The following EPS8L2 variants were observed in gnomAD, a reference collection of about 807,000 sequenced individuals.
EPS8L2 encodes the protein EPS8 signaling adaptor L2, also known as epidermal growth factor receptor kinase substrate 8-like protein 2.
Under a neutral mutation model 99.4 loss-of-function variants are expected in EPS8L2, and 81 were observed. The observed-to-expected ratio is 0.82, with a 90% CI of 0.68 to 0.98. EPS8L2 has a LOEUF of 0.98. Among genes scored for constraint, EPS8L2 ranks in the 50% least tolerant of loss-of-function variants. The probability of loss-of-function intolerance (pLI) is 0.00; values close to 1 mark genes in which losing one functional copy is unlikely to be tolerated. For missense variants in EPS8L2, 1,155 were observed against 968.8 expected (o/e 1.19, Z -2.55); for synonymous variants, 509 against 407.3 (o/e 1.25, Z -3.01).
In EPS8L2 at chr11:726,516, G is replaced by A. The variant is rs1222012122; in HGVS notation, c.1934+32G>A. 5.9e-6 allele frequency: 9 copies of A among 1,524,014 alleles called. No individual in the cohort carries two copies. In the East Asian group the frequency reaches 1.0e-4, roughly 17 times the overall value. The allele number at this position is 1,524,014 out of a possible 1,614,324, so 94.4% of individuals were successfully genotyped here. A position where few individuals can be genotyped will look rare whatever the true frequency, so the allele number is the denominator to read the frequency against. ...GGGGGCGGGGGATGAGCTGGGGCCCGGGCGAGGGGTGGGAGGTGCGGCCGA... is the reference window on the plus strand; with the variant it reads ...GGGGGCGGGGGATGAGCTGGGGCCCAGGCGAGGGGTGGGAGGTGCGGCCGA... On this transcript the variant is annotated intron_variant, in intron 19 of 20. Transcript: ENST00000318562.
At chr11:710,722 G>C (rs976194984) in intron 4 of EPS8L2, among the ~76,000 whole-genome samples, 2 of 151,844 alleles carry the variant, frequency 1.3e-5, no homozygotes, top group Non-Finnish European at 2.9e-5. Context: ...GGGTGACAGA[G>C]CTAGACCCTG....
chr11:721,164 G>T lies in EPS8L2; in HGVS notation c.658G>T (p.Ala220Ser). The change falls in exon 8 of 21, where the codon GCC (alanine) becomes TCC (serine). Residue 220 changes from alanine (A) to serine (S), a missense_variant. Transcript: ENST00000318562. ...FQHRGGDSPE[A>S]KNRVGPQVPL... ...GCACCGCGGCGGGGATTCCCCGGAG[G>T]CCAAGAATCGCGTGGGCCCGCAGGT... 2 of 1,535,526 alleles carry T rather than the reference G, an allele frequency of 1.3e-6. No individual in the cohort carries two copies.
chr11:721,494 G>C (rs1044777903), intron 9 of EPS8L2, 71 bp from the exon 10 acceptor site: 2 of 1,512,412 alleles, frequency 1.3e-6, no homozygotes, highest in African/African-American at 1.4e-5. Flanking sequence ...ATCATCTGTG[G>C]GGCTGTCCCT....
At chr11:725,703 GA>G (rs1188089621) in intron 16 of EPS8L2, 24 bp from the exon 17 acceptor site, 3 of 1,312,998 alleles carry the variant, frequency 2.3e-6, no homozygotes, top group Non-Finnish European at 1.9e-6. Context: ...TGGGTGTGGG[GA>G]GGGGCTGACG....
chr11:726,517 G>C, intron 19 of EPS8L2, 33 bp downstream of exon 19: 2 of 1,523,304 alleles, frequency 1.3e-6, no homozygotes, highest in Admixed American at 2.1e-5. Flanking sequence ...CTGGGGCCCG[G>C]GCGAGGGGTG....
At chr11:707,754 C>G (rs1861765799) in intron 1 of EPS8L2, among the ~76,000 whole-genome samples, 1 of 152,178 alleles carries the variant, frequency 6.6e-6, no homozygotes, top group African/African-American at 2.4e-5. Flanking sequence ...GGCCAGGAAC[C>G]TGGCCTTCCC....
rs1371169307 is a variant in EPS8L2, at chr11:721,711, G to A, written c.895+20G>A. 2.5e-6 allele frequency: 4 copies of A among 1,588,878 alleles called. No homozygotes were observed. The highest frequency in any genetic ancestry group is 3.4e-6 in the Non-Finnish European group (4 of 1,164,110). On this transcript the variant is annotated intron_variant, in intron 10 of 20. Coordinates refer to ENST00000318562, the MANE Select transcript of EPS8L2 (RefSeq NM_022772.4). ...CAGCAGGTGCAGGGGACAGGGACGGGGCCGGCAGGTGCAGGGGACGGGGCC... is the reference window on the plus strand; with the variant it reads ...CAGCAGGTGCAGGGGACAGGGACGGAGCCGGCAGGTGCAGGGGACGGGGCC...
In EPS8L2 at chr11:722,442, C is replaced by G; in HGVS notation, c.1101C>G (p.Val367=). 1 of 1,613,506 alleles carries G rather than the reference C, an allele frequency of 6.2e-7. No homozygotes were observed. The highest frequency in any genetic ancestry group is 8.5e-7 in the Non-Finnish European group (1 of 1,179,946). The part of the protein sequence containing the change: ...TCSGPDIARS[V]SCPLLSRDAV... ...GTGGCCCAGACATCGCACGCTCCGT[C>G]TCCTGCCCACTGCTCTCCCGAGATG... The change falls in exon 13 of 21, where the codon GTC becomes GTG. Residue 367 remains valine, a synonymous_variant. Coordinates refer to ENST00000318562, the MANE Select transcript of EPS8L2 (RefSeq NM_022772.4).
rs957242752 is a variant in EPS8L2 at position 726,527 on chromosome 11, G to C, written c.1934+43G>C. 2.0e-6 allele frequency: 3 copies of C among 1,515,742 alleles called. No individual in the cohort carries two copies. The African/African-American group carries it at 4.2e-5, about 21-fold the overall frequency. The allele number at this position is 1,515,742 out of a possible 1,614,324, so 93.9% of individuals were successfully genotyped here. A position where few individuals can be genotyped will look rare whatever the true frequency, so the allele number is the denominator to read the frequency against. On this transcript the variant is annotated intron_variant, in intron 19 of 20. Transcript: ENST00000318562. The stretch of plus-strand genomic sequence containing the variant: ...ATGAGCTGGGGCCCGGGCGAGGGGT[G>C]GGAGGTGCGGCCGAAGGTGCGCAGC...
intron 14 of EPS8L2, 72 bp from the exon 15 acceptor site, chr11:723,167 CCT>C: frequency 4.0e-6 from 3 of 743,594 alleles, no homozygotes; most frequent in Non-Finnish European, 7.0e-6. Context: ...TAGCCCAGCC[CCT>C]GTCATATGCC....
In EPS8L2 at chr11:716,316, T is replaced by C. The variant is rs113585549; in HGVS notation, c.166-3746T>C. On this transcript the variant is annotated intron_variant, in intron 4 of 20. Transcript: ENST00000318562. ...GGCGCCCGCCACCCCGCCCGGCTAA[T>C]TTTTTGTGTTTTTAGTAGAGATAGG... is the stretch of plus-strand genomic sequence containing the variant. Among the ~76,000 whole-genome samples, 1,031 of 152,106 alleles carry C rather than the reference T, an allele frequency of 6.8e-3. 12 individuals carry two copies. Among genetic ancestry groups the C allele is most frequent in the Middle Eastern group, 0.024 (7 of 294 alleles).
Position 725,730 on chromosome 11 carries a change from G to C in EPS8L2, c.1563G>C (p.Val521=), listed in dbSNP as rs954064720. The C allele has an allele frequency of 3.0e-6, 4 of 1,327,748 alleles. No individual in the cohort carries two copies. Among genetic ancestry groups the C allele is most frequent in the Admixed American group, 8.0e-5 (2 of 25,072 alleles). 82.2% of individuals were successfully genotyped at this position (1,327,748 alleles called of 1,614,324 possible). The change falls in exon 17 of 21, where the codon GTG becomes GTC. Residue 521 remains valine (V), a splice_region_variant and synonymous_variant. Transcript: ENST00000318562. ...LSVLKDEVLE[V]LEDGRQWWKL... is the part of the protein sequence containing the mutation. ...GGGGCTGACGGCGCGCCCCGCAGGT[G>C]CTGGAGGACGGCCGGCAGTGGTGGA... is the stretch of plus-strand genomic sequence containing the variant.
At position 720,958 on chromosome 11, in the gene EPS8L2, C is replaced by CCCGGGAGGGGAGGGGAGGAG. The variant is rs1862144336; in HGVS notation, c.557+53_557+54insGAGGGGAGGGGAGGAGCCGG. On this transcript the variant is annotated intron_variant, in intron 7 of 20. Transcript: ENST00000318562. ...TCGCAGGGGGCGGGGAGGGGAGGAG[C>CCCGGGAGGGGAGGGGAGGAG]CCGGCAGGGGAGGGGAGGAGCCGGC... is the stretch of plus-strand genomic sequence containing the variant. The CCCGGGAGGGGAGGGGAGGAG allele has an allele frequency of 2.2e-5, 22 of 1,017,180 alleles. No homozygotes were observed. In the African/African-American group the frequency reaches 6.0e-4, roughly 28 times the overall value. The allele number at this position is 1,017,180 out of a possible 1,614,324, so 63.0% of individuals were successfully genotyped here. A position where few individuals can be genotyped will look rare whatever the true frequency, so the allele number is the denominator to read the frequency against.
In EPS8L2 at chr11:724,950, G is replaced by C. The variant is rs1431305203; in HGVS notation, c.1560+121G>C. 2.9e-5 allele frequency: 21 copies of C among 720,678 alleles called. No individual in the cohort carries two copies. The South Asian group carries it at 3.2e-4, about 11-fold the overall frequency. 44.6% of individuals were successfully genotyped at this position (720,678 alleles called of 1,614,324 possible). On this transcript the variant is annotated intron_variant, in intron 16 of 20. Coordinates refer to ENST00000318562, the MANE Select transcript of EPS8L2 (RefSeq NM_022772.4). The surrounding 1 kb of genome is among the most constrained non-coding windows in gnomAD (Gnocchi z 5.5). ...CTGGGTGATGCCAGGACGGGGCACA[G>C]CTGCTGGCCCCTTTCTCCAGGGTCC...
At chr11:707,362 G>T (rs1190654221) in intron 1 of EPS8L2, among the ~76,000 whole-genome samples, 1 of 152,188 alleles carries the variant, frequency 6.6e-6, no homozygotes, top group Admixed American at 6.5e-5. Flanking sequence ...TATGAGGGCA[G>T]CCTGGAGCCC....
At chr11:714,043 G>A (rs1861954149) in intron 4 of EPS8L2, among the ~76,000 whole-genome samples, 1 of 152,146 alleles carries the variant, frequency 6.6e-6, no homozygotes, top group East Asian at 1.9e-4. Context: ...CATCATTGTG[G>A]TTTGATAAGT....
At chr11:713,444 C>T (rs573982768) in intron 4 of EPS8L2, among the ~76,000 whole-genome samples, 2 of 152,302 alleles carry the variant, frequency 1.3e-5, no homozygotes, top group South Asian at 2.1e-4. Flanking sequence ...TGCAATGGCG[C>T]GATCTCAGCT....
At position 709,340 on chromosome 11, in the gene EPS8L2, G is replaced by GGCACTGGCCTCAGACCGGGGCC; in HGVS notation, c.-67_-46dup. ...CTTCTGTCCACCCAGGTGTGGGACA[G>GGCACTGGCCTCAGACCGGGGCC]GCACTGGCCTCAGACCGGGGCCACA... On this transcript the variant is annotated 5_prime_UTR_variant, in exon 2 of 21. Transcript: ENST00000318562. 1 of 1,519,004 alleles carries GGCACTGGCCTCAGACCGGGGCC rather than the reference G, an allele frequency of 6.6e-7. No individual in the cohort carries two copies. The highest frequency in any genetic ancestry group is 1.2e-5 in the South Asian group (1 of 83,400). 94.1% of individuals were successfully genotyped at this position (1,519,004 alleles called of 1,614,324 possible).
At chr11:715,148 A>G (rs1213354345) in intron 4 of EPS8L2, among the ~76,000 whole-genome samples, 8 of 152,076 alleles carry the variant, frequency 5.3e-5, no homozygotes, top group African/African-American at 1.9e-4. Context: ...AGGCTGAGGC[A>G]GGAGAATGGC....
Sources: allele counts gnomAD v4.1 joint callset (sites outside exome capture counted in the v4.1 genomes callset), GRCh38; gene constraint gnomAD v4.1.1; non-coding constraint Gnocchi (gnomAD v3.1); transcripts MANE v1.5; gene names NCBI Gene and HGNC (gene_info 2026-07-23, HGNC 2026-07-21).